The following JHY variants were observed in gnomAD, a reference collection of about 807,000 sequenced individuals.
The protein encoded by JHY is jhy protein homolog.
In JHY, 69 loss-of-function variants were observed where a neutral mutation model predicts 78.0. The observed-to-expected ratio is 0.88, with a 90% CI of 0.73 to 1.08. The LOEUF is 1.08. JHY is among the 50% of genes least tolerant of loss of function. The pLI is 0.00. For missense variants in JHY, 944 were observed against 927.8 expected, an observed-to-expected ratio of 1.02 and a Z score of -0.23; for synonymous variants, 368 against 342.6, an observed-to-expected ratio of 1.07 and a Z score of -0.82.
chr11:122,899,064 A>C (rs1050008326), intron 2 of JHY, among the ~76,000 whole-genome samples: 6 of 152,160 alleles, frequency 3.9e-5, no homozygotes, highest in Non-Finnish European at 8.8e-5. Flanking sequence ...ATAGGACTGG[A>C]TGTCCCTCTG....
At chr11:122,887,969 G>A (rs536613325) in intron 2 of JHY, among the ~76,000 whole-genome samples, 2 of 152,256 alleles carry the variant, frequency 1.3e-5, no homozygotes, top group South Asian at 4.2e-4. Flanking sequence ...CACTGCAAGG[G>A]CTCGTGTGGG....
At chr11:122,938,010 G>T (rs948216085) in intron 5 of JHY, among the ~76,000 whole-genome samples, 1 of 151,306 alleles carries the variant, frequency 6.6e-6, no homozygotes, top group African/African-American at 2.4e-5. Context: ...TATATAATCT[G>T]TTTTTTTTGT....
intron 6 of JHY, among the ~76,000 whole-genome samples, chr11:122,949,156 C>T (rs750667807): frequency 6.6e-6 from 1 of 151,494 alleles, no homozygotes; most frequent in Admixed American, 6.6e-5. Flanking sequence ...GAAGCTGTAA[C>T]ATGGTGCATG....
At chr11:122,896,601 A>C (rs1332471127) in intron 2 of JHY, among the ~76,000 whole-genome samples, 1 of 152,172 alleles carries the variant, frequency 6.6e-6, no homozygotes, top group African/African-American at 2.4e-5. Flanking sequence ...TCAGGCCATT[A>C]GGGAACCACT....
chr11:122,949,161 T>C (rs1864032796), intron 6 of JHY, among the ~76,000 whole-genome samples: 1 of 151,552 alleles, frequency 6.6e-6, no homozygotes, highest in Non-Finnish European at 1.5e-5. Flanking sequence ...TGTAACATGG[T>C]GCATGCTGGG....
intron 6 of JHY, among the ~76,000 whole-genome samples, chr11:122,955,612 T>A (rs1003586757): frequency 6.6e-6 from 1 of 152,228 alleles, no homozygotes. Context: ...AGAGTTGTCA[T>A]ATTCAATTCT....
chr11:122,953,475 G>A (rs575269143), intron 6 of JHY, among the ~76,000 whole-genome samples: 48 of 151,762 alleles, frequency 3.2e-4, no homozygotes, highest in Admixed American at 2.7e-3. Context: ...GGTGGCAGGC[G>A]CCTGTAATCC....
At position 122,917,931 on chromosome 11, in the gene JHY, C is replaced by T. The variant is rs1863267638; in HGVS notation, c.865-6966C>T. Among the ~76,000 whole-genome samples, 1 of 151,816 alleles carries T rather than the reference C, an allele frequency of 6.6e-6. No individual in the cohort carries two copies. The highest frequency in any genetic ancestry group is 1.5e-5 in the Non-Finnish European group (1 of 68,038). On this transcript the variant is annotated intron_variant, in intron 3 of 8. Coordinates refer to ENST00000227349, the MANE Select transcript of JHY (RefSeq NM_024806.4). The surrounding 1 kb of genome is among the most constrained non-coding windows in gnomAD (Gnocchi z 4.1). The stretch of plus-strand genomic sequence containing the variant: ...TTTATTTATTTTGGAGACACAGTCT[C>T]ACTCTGTCACCCAGGTTGGAATGCA...
intron 3 of JHY, chr11:122,905,226 C>T (rs137933582): frequency 3.7e-5 from 60 of 1,613,880 alleles, no homozygotes; most frequent in Non-Finnish European, 4.5e-5. Context: ...CTTTTGGAGC[C>T]AGTAAACTTA....
At chr11:122,927,817 G>T (rs12361841) in intron 4 of JHY, among the ~76,000 whole-genome samples, 35,030 of 149,508 alleles carry the variant, frequency 0.23, 4,614 homozygotes, top group Middle Eastern at 0.3. Flanking sequence ...TGTAACCTCC[G>T]CCTCCTGGGT....
intron 6 of JHY, among the ~76,000 whole-genome samples, chr11:122,949,084 A>AC (rs2135375865): frequency 3.1e-5 from 1 of 32,684 alleles, no homozygotes; most frequent in East Asian, 4.6e-4. Context: ...ACTCCATCTC[A>AC]AAAAAAAAAA....
Position 122,904,323 on chromosome 11 carries a change from G to T in JHY, c.743G>T (p.Arg248Leu), listed in dbSNP as rs530918772. 1.8e-5 allele frequency: 29 copies of T among 1,614,030 alleles called. 1 individual carries two copies. The Admixed American group carries it at 4.3e-4, about 24-fold the overall frequency. The change falls in exon 3 of 9, where the codon CGA (arginine) becomes CTA (leucine). Residue 248 changes from arginine (R) to leucine (L), a missense_variant. Coordinates refer to ENST00000227349, the MANE Select transcript of JHY (RefSeq NM_024806.4). ...VFLPGSRGPR[R>L]RKSKQHFVEK... ...CTGCCGGGATCACGTGGCCCTCGGC[G>T]AAGGAAATCCAAACAACATTTTGTG...
At chr11:122,948,442 T>A (rs553828267) in intron 6 of JHY, among the ~76,000 whole-genome samples, 1 of 143,502 alleles carries the variant, frequency 7.0e-6, no homozygotes, top group African/African-American at 2.6e-5. Flanking sequence ...AAACTTTGTC[T>A]TAATAATAAT....
intron 5 of JHY, among the ~76,000 whole-genome samples, chr11:122,937,752 C>T (rs565919759): frequency 1.5e-3 from 228 of 152,234 alleles, no homozygotes; most frequent in African/African-American, 5.2e-3. Context: ...TCACCCTTCC[C>T]GTTTTTTCCA....
Position 122,961,180 on chromosome 11 carries a change from C to T in JHY, c.*1735C>T, listed in dbSNP as rs1256291049. ...CAAAATCTTTCTGTATTGCCCTCTA[C>T]TGAAGTAGATAGTTTATATCTCCTA... On this transcript the variant is annotated 3_prime_UTR_variant, in exon 9 of 9. Coordinates refer to ENST00000227349, the MANE Select transcript of JHY (RefSeq NM_024806.4). 1 of 532,454 alleles carries T rather than the reference C, an allele frequency of 1.9e-6. No individual in the cohort carries two copies. The highest frequency in any genetic ancestry group is 3.5e-6 in the Non-Finnish European group (1 of 283,360). 33.0% of individuals were successfully genotyped at this position (532,454 alleles called of 1,614,324 possible).
chr11:122,931,116 C>T (rs952719077), intron 4 of JHY, among the ~76,000 whole-genome samples: 1 of 152,134 alleles, frequency 6.6e-6, no homozygotes, highest in Non-Finnish European at 1.5e-5. Flanking sequence ...AAAGACCCCA[C>T]CTTTAAATAG....
intron 3 of JHY, among the ~76,000 whole-genome samples, chr11:122,924,293 A>C (rs1429154191): frequency 1.3e-5 from 2 of 152,166 alleles, no homozygotes; most frequent in African/African-American, 4.8e-5. Context: ...ACATTGTTGC[A>C]TGTGCAGGCT....
chr11:122,921,158 A>G (rs201430402), intron 3 of JHY, among the ~76,000 whole-genome samples: 3 of 152,184 alleles, frequency 2.0e-5, no homozygotes, highest in Non-Finnish European at 4.4e-5. Context: ...TTCTACCAAA[A>G]CAGCCTGTGG....
rs1423364456 is a variant in JHY, at chr11:122,955,512, C to T, written c.1930-984C>T. 4.6e-5 allele frequency among the ~76,000 whole-genome samples: 7 copies of T among 152,072 alleles called. No individual in the cohort carries two copies. In the East Asian group the frequency reaches 5.8e-4, roughly 13 times the overall value. ...GGCAGTAGAATATTAGGGTTTTTTCCTGCCTATTATTGTGCTCAGGTGCCA... is the reference window on the plus strand; with the variant it reads ...GGCAGTAGAATATTAGGGTTTTTTCTTGCCTATTATTGTGCTCAGGTGCCA... On this transcript the variant is annotated intron_variant, in intron 6 of 8. Transcript: ENST00000227349.
Sources: allele counts gnomAD v4.1 joint callset (sites outside exome capture counted in the v4.1 genomes callset), GRCh38; gene constraint gnomAD v4.1.1; non-coding constraint Gnocchi (gnomAD v3.1); transcripts MANE v1.5; gene names NCBI Gene and HGNC (gene_info 2026-07-23, HGNC 2026-07-21).